Variants in SCTR observed in about 807,000 individuals in gnomAD.
SCTR encodes pancreatic secretin receptor.
SCTR carries 56 observed loss-of-function variants against 60.8 expected under a neutral mutation model. The observed-to-expected ratio is 0.92, with a 90% CI of 0.74 to 1.15. The LOEUF (loss-of-function observed/expected upper bound fraction) is 1.15. Among genes scored for constraint, SCTR ranks in the 50% most tolerant of loss-of-function variants. The probability of loss-of-function intolerance (pLI) is 0.00; values close to 1 mark genes in which losing one functional copy is unlikely to be tolerated. For synonymous variants in SCTR, 202 were observed against 217.0 expected (o/e 0.93, Z 0.61); for missense variants, 562 against 550.4 (o/e 1.02, Z -0.21).
At chr2:119,489,372 T>C (rs760192522) in intron 2 of SCTR, among the ~76,000 whole-genome samples, 1 of 152,164 alleles carries the variant, frequency 6.6e-6, no homozygotes, top group Non-Finnish European at 1.5e-5. Context: ...TTCTCCCTGC[T>C]CTCAGTCATG....
chr2:119,507,677 T>TTG (rs765384074), intron 1 of SCTR, among the ~76,000 whole-genome samples: 8 of 127,418 alleles, frequency 6.3e-5, no homozygotes, highest in South Asian at 6.1e-4. Flanking sequence ...TTTTTTTTTT[T>TTG]TTCTTTTTTT....
intron 9 of SCTR, 33 bp from the exon 10 acceptor site, chr2:119,448,813 G>C: frequency 7.9e-7 from 1 of 1,266,746 alleles, no homozygotes; most frequent in South Asian, 1.2e-5. Flanking sequence ...GGGGCTGAAG[G>C]CATCTTGCTT....
At chr2:119,503,757 G>C (rs72834828) in intron 1 of SCTR, among the ~76,000 whole-genome samples, 2,461 of 152,222 alleles carry the variant, frequency 0.016, 33 homozygotes, top group South Asian at 0.033. Context: ...AAAACCCATA[G>C]AATATACAAC....
chr2:119,444,270 T>TATACATATGAATATATACAC lies in SCTR; in HGVS notation c.1140+2488_1140+2489insGTGTATATATTCATATGTAT, dbSNP rs1558830842. ...ACACATATACATATGAATATATACA[T>TATACATATGAATATATACAC]ATATACATATGAATATATACACATA... On this transcript the variant is annotated intron_variant, in intron 11 of 12. Coordinates refer to ENST00000019103, the MANE Select transcript of SCTR (RefSeq NM_002980.3). 5.6e-4 allele frequency among the ~76,000 whole-genome samples: 57 copies of TATACATATGAATATATACAC among 102,018 alleles called. 13 individuals carry two copies. The highest frequency in any genetic ancestry group is 3.2e-3 in the Admixed American group (35 of 10,990). The allele number at this position is 102,018 out of a possible 152,430, so 66.9% of individuals were successfully genotyped here.
rs778602812 is a variant in SCTR at position 119,446,775 on chromosome 2, G to A, written c.1124C>T (p.Ala375Val). 2.9e-5 allele frequency: 45 copies of A among 1,554,992 alleles called. No homozygotes were observed. Among genetic ancestry groups the A allele is most frequent in the Middle Eastern group, 1.7e-4 (1 of 5,882 alleles). ...AMEIQLFFEL[A>V]LGSFQGLVVA... ...GAAACTTACCTGGAATGAGCCAAGG[G>A]CTAGTTCAAAAAACAGCTGGATCTC... Residue 375 changes from alanine to valine, a missense_variant, in exon 11 of 13, where the codon GCC becomes GTC. Transcript: ENST00000019103.
rs1679382528 is a variant in SCTR at position 119,524,270 on chromosome 2, C to G, written c.-44G>C. 3 of 1,323,626 alleles carry G rather than the reference C, an allele frequency of 2.3e-6. No individual in the cohort carries two copies. The highest frequency in any genetic ancestry group is 3.0e-6 in the Non-Finnish European group (3 of 1,011,674). The allele number at this position is 1,323,626 out of a possible 1,614,324, so 82.0% of individuals were successfully genotyped here. A position where few individuals can be genotyped will look rare whatever the true frequency, so the allele number is the denominator to read the frequency against. ...GAGGGCGCCCCGACGTCCGCCTGCC[C>G]GTGCCCTCTGCCCGCTCGGGAGCTC... is the stretch of plus-strand genomic sequence containing the variant. On this transcript the variant is annotated 5_prime_UTR_variant, in exon 1 of 13. Transcript: ENST00000019103.
At chr2:119,482,242 G>C (rs924640856) in intron 2 of SCTR, among the ~76,000 whole-genome samples, 1 of 152,220 alleles carries the variant, frequency 6.6e-6, no homozygotes, top group South Asian at 2.1e-4. Context: ...CCTGGGTTAG[G>C]GGGGATGCTG....
intron 1 of SCTR, among the ~76,000 whole-genome samples, chr2:119,501,307 G>T (rs936130919): frequency 2.0e-5 from 3 of 152,106 alleles, no homozygotes; most frequent in Admixed American, 2.0e-4. Flanking sequence ...CTACTCGGGA[G>T]GCTGAGGCAG....
At chr2:119,480,987 G>A (rs567423671) in intron 2 of SCTR, among the ~76,000 whole-genome samples, 140 of 152,320 alleles carry the variant, frequency 9.2e-4, no homozygotes, top group African/African-American at 3.0e-3. Context: ...TGGGAGGACC[G>A]GCACCTCCCT....
At chr2:119,472,990 A>T (rs2104829154) in intron 4 of SCTR, among the ~76,000 whole-genome samples, 1 of 151,954 alleles carries the variant, frequency 6.6e-6, no homozygotes, top group Middle Eastern at 3.4e-3. Flanking sequence ...ACATATATTA[A>T]CTCATTTAGT....
intron 1 of SCTR, among the ~76,000 whole-genome samples, chr2:119,501,010 A>C (rs186438742): frequency 6.6e-6 from 1 of 152,330 alleles, no homozygotes; most frequent in Admixed American, 6.5e-5. Flanking sequence ...ATATATCTAA[A>C]TGTGTCAATT....
At chr2:119,461,755 T>G (rs549815574) in intron 7 of SCTR, 92 bp downstream of exon 7, 2 of 906,058 alleles carry the variant, frequency 2.2e-6, no homozygotes, top group Non-Finnish European at 3.3e-6. Flanking sequence ...TAGTTAAGTG[T>G]GGAGCTGGAA....
intron 4 of SCTR, among the ~76,000 whole-genome samples, chr2:119,472,524 C>G (rs1457654166): frequency 6.6e-6 from 1 of 152,212 alleles, no homozygotes; most frequent in Non-Finnish European, 1.5e-5. Context: ...CTCTGGAGGT[C>G]CCCAGCAAAG....
chr2:119,516,020 G>A (rs754482190), intron 1 of SCTR, among the ~76,000 whole-genome samples: 8 of 152,184 alleles, frequency 5.3e-5, no homozygotes, highest in Non-Finnish European at 8.8e-5. Context: ...AAGCCGCAAT[G>A]AGCCATCATC....
At chr2:119,483,965 G>A (rs1012041214) in intron 2 of SCTR, among the ~76,000 whole-genome samples, 5 of 152,058 alleles carry the variant, frequency 3.3e-5, no homozygotes, top group African/African-American at 1.2e-4. Context: ...AGCAGGAATG[G>A]GAGGCAGGGG....
At chr2:119,447,144 A>T (rs1350325217) in intron 10 of SCTR, among the ~76,000 whole-genome samples, 5 of 152,180 alleles carry the variant, frequency 3.3e-5, no homozygotes, top group African/African-American at 4.8e-5. Flanking sequence ...AAAGAAAAAA[A>T]AACGGTACCT....
chr2:119,456,542 C>T (rs1344775212), intron 7 of SCTR, among the ~76,000 whole-genome samples: 1 of 151,980 alleles, frequency 6.6e-6, no homozygotes, highest in Non-Finnish European at 1.5e-5. Flanking sequence ...AGAAAGGAAA[C>T]AGGATTTGTG....
At chr2:119,507,663 CTTTTTTTTTTTTTTTTCTTT>C (rs1678785950) in intron 1 of SCTR, among the ~76,000 whole-genome samples, 1 of 114,786 alleles carries the variant, frequency 8.7e-6, no homozygotes, top group African/African-American at 3.2e-5. Flanking sequence ...CTTTCTCGTT[CTTTTTTTTTTTTTTTTCTTT>C]TTTTTTTTTT....
intron 2 of SCTR, among the ~76,000 whole-genome samples, chr2:119,488,070 G>A (rs781014816): frequency 5.9e-5 from 9 of 152,186 alleles, no homozygotes; most frequent in Non-Finnish European, 1.3e-4. Flanking sequence ...CCTGGCTTCT[G>A]ACCCCCTCAG....
Sources: allele counts gnomAD v4.1 joint callset (sites outside exome capture counted in the v4.1 genomes callset), GRCh38; gene constraint gnomAD v4.1.1; transcripts MANE v1.5; gene names NCBI Gene and HGNC (gene_info 2026-07-23, HGNC 2026-07-21).